Variants in KATNAL2 observed in about 807,000 individuals in gnomAD.
KATNAL2 encodes the protein katanin p60 ATPase-containing subunit A-like 2.
Under a neutral mutation model 76.3 loss-of-function variants are expected in KATNAL2, and 52 were observed. The observed-to-expected ratio is 0.68, with a 90% CI of 0.55 to 0.86. The LOEUF (loss-of-function observed/expected upper bound fraction) is 0.86, where lower values mean the gene tolerates loss of function less well. Among genes scored for constraint, KATNAL2 ranks in the 40% least tolerant of loss-of-function variants. The pLI is 0.00. For missense variants in KATNAL2, 660 were observed against 668.9 expected (o/e 0.99, Z 0.15); for synonymous variants, 243 against 244.2 (o/e 1.00, Z 0.05).
rs1569050185 is a variant in KATNAL2, at chr18:47,033,483, CT to C, written c.52-12972del. On this transcript the variant is annotated intron_variant, in intron 3 of 17. Transcript: ENST00000683218. ...TTTTGTTTTCCTGTGGCTTTTCTTC[CT>C]TGAAGTCCTGGAAACAATGATTCCT... 1.2e-6 allele frequency: 2 copies of C among 1,614,186 alleles called. 1 individual carries two copies. The highest frequency in any genetic ancestry group is 2.2e-5 in the South Asian group (2 of 91,074).
At chr18:46,929,184 G>A (rs903775006) in intron 1 of KATNAL2, among the ~76,000 whole-genome samples, 11 of 151,350 alleles carry the variant, frequency 7.3e-5, no homozygotes, top group African/African-American at 2.7e-4. Flanking sequence ...CTTCTGCTTG[G>A]CTTTTTAAAT....
At chr18:46,930,567 G>A (rs577801287) in intron 1 of KATNAL2, among the ~76,000 whole-genome samples, 3 of 152,174 alleles carry the variant, frequency 2.0e-5, no homozygotes, top group Non-Finnish European at 2.9e-5. Context: ...TATAATCCCA[G>A]CACTATGGGA....
chr18:47,099,204 T>C (rs878992342), intron 15 of KATNAL2, 39 bp from the exon 16 acceptor site: 12 of 1,566,432 alleles, frequency 7.7e-6, no homozygotes, highest in South Asian at 2.4e-5. Context: ...GGAAGTGTGT[T>C]TGCAGCCCTG....
intron 1 of KATNAL2, chr18:46,919,939 C>T (rs79163746): frequency 0.034 from 19,298 of 564,918 alleles, 956 homozygotes; most frequent in African/African-American, 0.15. Context: ...GAGGAGTTTT[C>T]GGGGAATAGA....
At chr18:47,034,033 T>G in intron 3 of KATNAL2, 1 of 1,614,208 alleles carries the variant, frequency 6.2e-7, no homozygotes, top group Non-Finnish European at 8.5e-7. Context: ...TGCTTTCCTT[T>G]GTTTATCTCC....
chr18:47,057,926 G>A (rs2061517217), intron 6 of KATNAL2, among the ~76,000 whole-genome samples: 1 of 152,164 alleles, frequency 6.6e-6, no homozygotes, highest in South Asian at 2.1e-4. Context: ...TGCTTGTAAA[G>A]TAATGTATTC....
intron 1 of KATNAL2, among the ~76,000 whole-genome samples, chr18:46,937,442 T>C (rs910762541): frequency 6.6e-6 from 1 of 152,128 alleles, no homozygotes; most frequent in East Asian, 1.9e-4. Flanking sequence ...TGTTATATGG[T>C]ATCCTGGCTG....
At chr18:47,094,247 G>C (rs1193220676) in intron 15 of KATNAL2, among the ~76,000 whole-genome samples, 1 of 152,170 alleles carries the variant, frequency 6.6e-6, no homozygotes, top group Non-Finnish European at 1.5e-5. Context: ...CTGGTGCCTT[G>C]ATCTTGGTCT....
At chr18:47,033,928 G>T in intron 3 of KATNAL2, 1 of 1,612,984 alleles carries the variant, frequency 6.2e-7, no homozygotes. Context: ...GGCGGAATCA[G>T]CGCCGGCCGC....
chr18:47,067,849 C>T (rs11659655), intron 11 of KATNAL2, among the ~76,000 whole-genome samples: 63,414 of 152,006 alleles, frequency 0.42, 13,804 homozygotes, highest in Middle Eastern at 0.53. Context: ...CTCTTTTCCA[C>T]GTGGTATTCT....
rs148908070 is a variant in KATNAL2 at position 46,954,263 on chromosome 18, A to T, written c.51+7340A>T. Among the ~76,000 whole-genome samples, 504 of 148,856 alleles carry T rather than the reference A, an allele frequency of 3.4e-3. 1 individual carries two copies. The highest frequency in any genetic ancestry group is 0.011 in the Middle Eastern group (3 of 278). ...GACTCCAGAGGAACCTGGTGTCCCC[A>T]TTCCTGTAACTTTCTAGGGTTCTGT... On this transcript the variant is annotated intron_variant, in intron 3 of 17. Coordinates refer to ENST00000683218, the MANE Select transcript of KATNAL2 (RefSeq NM_001387690.1).
chr18:47,072,035 T>C (rs1403818061), intron 13 of KATNAL2, among the ~76,000 whole-genome samples: 1 of 129,244 alleles, frequency 7.7e-6, no homozygotes, highest in Non-Finnish European at 1.6e-5. Flanking sequence ...CAGTGGTGCA[T>C]TCTCGGCTAA....
intron 15 of KATNAL2, among the ~76,000 whole-genome samples, chr18:47,083,433 C>T (rs1015881257): frequency 1.3e-5 from 2 of 152,194 alleles, no homozygotes; most frequent in Non-Finnish European, 2.9e-5. Context: ...TCATCTATTG[C>T]ATCGTCCGGG....
chr18:46,936,423 A>C (rs1051652948), intron 1 of KATNAL2, among the ~76,000 whole-genome samples: 21 of 152,160 alleles, frequency 1.4e-4, no homozygotes, highest in African/African-American at 4.8e-4. Context: ...TTTATATTTA[A>C]AAATTAAGAA....
chr18:46,960,172 C>T (rs1449254116), intron 3 of KATNAL2, among the ~76,000 whole-genome samples: 1 of 152,166 alleles, frequency 6.6e-6, no homozygotes, highest in Non-Finnish European at 1.5e-5. Flanking sequence ...CACTGTGGCT[C>T]ATGCCTATAA....
At chr18:46,935,922 TA>T (rs893111246) in intron 1 of KATNAL2, among the ~76,000 whole-genome samples, 1 of 150,096 alleles carries the variant, frequency 6.7e-6, no homozygotes, top group East Asian at 2.0e-4. Context: ...TCTCAAAATT[TA>T]AAAAAAAAGA....
chr18:46,946,169 C>A lies in KATNAL2; in HGVS notation c.-397C>A. ...GGATAATTTGGAATAGGATTCACAG[C>A]AAGAGAGACAGAAGGGAAAGACATT... is the stretch of plus-strand genomic sequence containing the variant. On this transcript the variant is annotated 5_prime_UTR_variant, in exon 2 of 18. Transcript: ENST00000683218. 1 of 978,782 alleles carries A rather than the reference C, an allele frequency of 1.0e-6. No individual in the cohort carries two copies. Among genetic ancestry groups the A allele is most frequent in the Non-Finnish European group, 1.2e-6 (1 of 816,614 alleles). The allele number at this position is 978,782 out of a possible 1,614,324, so 60.6% of individuals were successfully genotyped here. A position where few individuals can be genotyped will look rare whatever the true frequency, so the allele number is the denominator to read the frequency against.
Position 46,917,638 on chromosome 18 carries a change from C to A in KATNAL2, c.-798C>A. ...CGACAGCGCCCGCCCGCGCCTGCCCCGGCGTGCTGCCCCGCGGCTTGGCCC... is the reference window on the plus strand; with the variant it reads ...CGACAGCGCCCGCCCGCGCCTGCCCAGGCGTGCTGCCCCGCGGCTTGGCCC... On this transcript the variant is annotated 5_prime_UTR_variant, in exon 1 of 18. Coordinates refer to ENST00000683218, the MANE Select transcript of KATNAL2 (RefSeq NM_001387690.1). 2.4e-6 allele frequency: 2 copies of A among 823,612 alleles called. No homozygotes were observed. Among genetic ancestry groups the A allele is most frequent in the Non-Finnish European group, 2.9e-6 (2 of 678,850 alleles). The allele number at this position is 823,612 out of a possible 1,614,324, so 51.0% of individuals were successfully genotyped here.
At chr18:46,926,570 A>G (rs368574041) in intron 1 of KATNAL2, among the ~76,000 whole-genome samples, 48 of 152,088 alleles carry the variant, frequency 3.2e-4, no homozygotes, top group Middle Eastern at 3.4e-3. Flanking sequence ...TGTTGATTTG[A>G]GGTGGAGAGT....
Sources: gnomAD v4.1 joint callset for allele counts (sites outside exome capture counted in the v4.1 genomes callset) on GRCh38, gnomAD v4.1.1 for gene constraint, MANE v1.5 for transcripts, NCBI Gene and HGNC (gene_info 2026-07-23, HGNC 2026-07-21) for gene names.